Variants in MTMR7 observed in about 807,000 individuals in gnomAD.
MTMR7 encodes phosphatidylinositol-3-phosphate phosphatase MTMR7.
MTMR7 carries 76 observed loss-of-function variants against 81.2 expected under a neutral mutation model. That is an observed-to-expected ratio of 0.94 (90% CI 0.78 to 1.13). The LOEUF is 1.13. Among genes scored for constraint, MTMR7 ranks in the 50% most tolerant of loss-of-function variants. The probability of loss-of-function intolerance (pLI) is 0.00; values close to 1 mark genes in which losing one functional copy is unlikely to be tolerated. For synonymous variants in MTMR7, 372 were observed against 289.8 expected (o/e 1.28, Z -2.88); for missense variants, 1,044 against 820.0 (o/e 1.27, Z -3.34).
At chr8:17,395,461 T>A (rs1057061071) in intron 1 of MTMR7, among the ~76,000 whole-genome samples, 7 of 152,234 alleles carry the variant, frequency 4.6e-5, no homozygotes, top group Non-Finnish European at 7.3e-5. Context: ...AGTCATATGA[T>A]AATTCTACAT....
At chr8:17,341,871 T>C (rs1415033926) in intron 5 of MTMR7, among the ~76,000 whole-genome samples, 1 of 152,132 alleles carries the variant, frequency 6.6e-6, no homozygotes, top group East Asian at 1.9e-4. Flanking sequence ...AGGATACGAT[T>C]AATGGTGACA....
At chr8:17,355,573 T>TAA (rs796144712) in intron 4 of MTMR7, among the ~76,000 whole-genome samples, 1 of 143,610 alleles carries the variant, frequency 7.0e-6, no homozygotes. Context: ...ATTAAAAAAT[T>TAA]AAAAAAAAAA....
At chr8:17,390,507 G>A (rs374057306) in intron 1 of MTMR7, among the ~76,000 whole-genome samples, 62 of 152,258 alleles carry the variant, frequency 4.1e-4, no homozygotes, top group African/African-American at 1.3e-3. Context: ...GTATCACCAC[G>A]TATGTGTGCC....
intron 1 of MTMR7, among the ~76,000 whole-genome samples, chr8:17,410,271 G>A (rs1202857530): frequency 1.3e-5 from 2 of 152,168 alleles, no homozygotes. Flanking sequence ...ATTTACACAT[G>A]TGGGAAAAAT....
intron 1 of MTMR7, among the ~76,000 whole-genome samples, chr8:17,391,986 G>C (rs1254894636): frequency 6.6e-6 from 1 of 152,118 alleles, no homozygotes; most frequent in Non-Finnish European, 1.5e-5. Flanking sequence ...AAATAGTTTA[G>C]ACTTTTCCTG....
intron 1 of MTMR7, among the ~76,000 whole-genome samples, chr8:17,375,875 G>C (rs1820569610): frequency 6.6e-6 from 1 of 152,100 alleles, no homozygotes; most frequent in Non-Finnish European, 1.5e-5. Flanking sequence ...CTCTTGCATT[G>C]TTTTTCCTTT....
At chr8:17,323,037 T>C (rs1818485167) in intron 7 of MTMR7, among the ~76,000 whole-genome samples, 1 of 138,086 alleles carries the variant, frequency 7.2e-6, no homozygotes, top group Non-Finnish European at 1.5e-5. Context: ...AACCTCCACC[T>C]CCCGGATTCA....
At chr8:17,379,191 C>T (rs553452414) in intron 1 of MTMR7, among the ~76,000 whole-genome samples, 2 of 152,136 alleles carry the variant, frequency 1.3e-5, no homozygotes, top group South Asian at 2.1e-4. Flanking sequence ...CATGGGGGCA[C>T]TGGTGGTCTT....
intron 1 of MTMR7, among the ~76,000 whole-genome samples, chr8:17,392,772 C>T (rs2150578605): frequency 6.6e-6 from 1 of 152,350 alleles, no homozygotes; most frequent in African/African-American, 2.4e-5. Flanking sequence ...AATATTGAAA[C>T]TCATTGTGCA....
chr8:17,392,557 T>C (rs1410168695), intron 1 of MTMR7, among the ~76,000 whole-genome samples: 2 of 152,252 alleles, frequency 1.3e-5, no homozygotes, highest in Non-Finnish European at 2.9e-5. Flanking sequence ...AAGACTCTCT[T>C]TCAGGAATCT....
chr8:17,379,265 T>A (rs1435862454), intron 1 of MTMR7, among the ~76,000 whole-genome samples: 1 of 152,098 alleles, frequency 6.6e-6, no homozygotes, highest in Non-Finnish European at 1.5e-5. Flanking sequence ...AGGTGTCAAC[T>A]CCCAGGCACT....
intron 2 of MTMR7, 128 bp downstream of exon 2, chr8:17,372,990 G>T: frequency 8.8e-7 from 1 of 1,141,546 alleles, no homozygotes; most frequent in Non-Finnish European, 1.2e-6. Flanking sequence ...ACACATTCCA[G>T]AAACAGTTCC....
intron 1 of MTMR7, among the ~76,000 whole-genome samples, chr8:17,411,710 A>G (rs535336735): frequency 1.3e-5 from 2 of 152,320 alleles, no homozygotes; most frequent in African/African-American, 4.8e-5. Flanking sequence ...GGTATCCATA[A>G]ACACCAATTT....
At chr8:17,347,949 C>T (rs1819608749) in intron 5 of MTMR7, among the ~76,000 whole-genome samples, 1 of 152,140 alleles carries the variant, frequency 6.6e-6, no homozygotes, top group Admixed American at 6.5e-5. Context: ...TGACCTCTTG[C>T]ACCAGGCAGG....
rs188486329 is a variant in MTMR7 at position 17,336,711 on chromosome 8, C to G, written c.732+4652G>C. On this transcript the variant is annotated intron_variant, in intron 6 of 13. Transcript: ENST00000180173. The stretch of plus-strand genomic sequence containing the variant: ...AGGCCAGGCGTCACGGAGGCAAGCG[C>G]TGCCTCGCCCTCGGCCCTTCTCTTC... Among the ~76,000 whole-genome samples, 3 of 152,210 alleles carry G rather than the reference C, an allele frequency of 2.0e-5. No individual in the cohort carries two copies. In the East Asian group the frequency reaches 5.8e-4, roughly 29 times the overall value.
chr8:17,335,944 C>T (rs1310532754), intron 6 of MTMR7, among the ~76,000 whole-genome samples: 1 of 152,174 alleles, frequency 6.6e-6, no homozygotes, highest in East Asian at 1.9e-4. Context: ...CCCTCCCTCT[C>T]CTCTTTATTG....
At chr8:17,389,801 G>A (rs1014634274) in intron 1 of MTMR7, among the ~76,000 whole-genome samples, 1 of 152,022 alleles carries the variant, frequency 6.6e-6, no homozygotes. Context: ...GAAAAGTAGG[G>A]CCATATAACT....
At chr8:17,339,404 T>G (rs928156722) in intron 6 of MTMR7, among the ~76,000 whole-genome samples, 1 of 152,170 alleles carries the variant, frequency 6.6e-6, no homozygotes, top group African/African-American at 2.4e-5. Flanking sequence ...AGACATCCAC[T>G]ACCCATTAGC....
At chr8:17,346,316 C>G (rs759770544) in intron 5 of MTMR7, among the ~76,000 whole-genome samples, 1 of 152,172 alleles carries the variant, frequency 6.6e-6, no homozygotes, top group Non-Finnish European at 1.5e-5. Context: ...CGGGACTTCC[C>G]TGGGGTAACC....
Sources: gnomAD v4.1 joint callset for allele counts (sites outside exome capture counted in the v4.1 genomes callset) on GRCh38, gnomAD v4.1.1 for gene constraint, MANE v1.5 for transcripts, NCBI Gene and HGNC (gene_info 2026-07-23, HGNC 2026-07-21) for gene names.